The following RAD54B variants were observed in gnomAD, a reference collection of about 807,000 sequenced individuals.
RAD54B encodes DNA repair and recombination protein RAD54B.
RAD54B carries 78 observed loss-of-function variants against 95.8 expected under a neutral mutation model. The ratio of observed to expected loss-of-function variants is 0.81; its 90% confidence interval spans 0.68 to 0.98. RAD54B has a LOEUF of 0.98. Among genes scored for constraint, RAD54B ranks in the 50% least tolerant of loss-of-function variants. The pLI is 0.00. For missense variants in RAD54B, 957 were observed against 1,056.6 expected (o/e 0.91, Z 1.31); for synonymous variants, 328 against 354.9 (o/e 0.92, Z 0.85).
intron 3 of RAD54B, among the ~76,000 whole-genome samples, chr8:94,451,180 T>C (rs1427741463): frequency 6.6e-6 from 1 of 152,188 alleles, no homozygotes; most frequent in Non-Finnish European, 1.5e-5. Flanking sequence ...GAATGATTTC[T>C]ACAGCTGGGG....
At chr8:94,430,867 C>T (rs1220230732) in intron 3 of RAD54B, 4 of 985,422 alleles carry the variant, frequency 4.1e-6, no homozygotes, top group East Asian at 1.1e-4. Context: ...GTCCAGGATA[C>T]TACAGCCCAA....
chr8:94,466,543 G>C (rs1158276026), intron 2 of RAD54B, among the ~76,000 whole-genome samples: 6 of 152,100 alleles, frequency 3.9e-5, no homozygotes, highest in Admixed American at 1.3e-4. Context: ...GAGTAGCTGG[G>C]ATTATAGGCG....
intron 3 of RAD54B, among the ~76,000 whole-genome samples, chr8:94,445,673 T>A (rs554573103): frequency 9.9e-5 from 15 of 152,210 alleles, no homozygotes; most frequent in African/African-American, 3.4e-4. Context: ...GATAGTTTTA[T>A]GAAAAGAATG....
intron 3 of RAD54B, among the ~76,000 whole-genome samples, chr8:94,444,825 G>T (rs1403566331): frequency 3.3e-5 from 5 of 152,174 alleles, no homozygotes; most frequent in Non-Finnish European, 5.9e-5. Context: ...CCTTTGAGAT[G>T]TGTATGTATC....
intron 1 of RAD54B, among the ~76,000 whole-genome samples, chr8:94,474,123 C>G (rs1195357747): frequency 6.6e-6 from 1 of 152,130 alleles, no homozygotes; most frequent in Non-Finnish European, 1.5e-5. Flanking sequence ...AACAGAAAAT[C>G]AAATATTGCA....
intron 11 of RAD54B, among the ~76,000 whole-genome samples, chr8:94,384,492 G>C (rs1282503777): frequency 2.1e-5 from 3 of 143,626 alleles, no homozygotes; most frequent in Non-Finnish European, 4.6e-5. Context: ...TTAAGGGAGG[G>C]GAAAATAAGG....
At chr8:94,413,530 C>A (rs1243086131) in intron 3 of RAD54B, among the ~76,000 whole-genome samples, 7 of 152,006 alleles carry the variant, frequency 4.6e-5, no homozygotes, top group Admixed American at 4.6e-4. Flanking sequence ...ATTAAGTCAC[C>A]CCATATACAA....
chr8:94,431,689 A>G (rs1277195983), intron 3 of RAD54B: 1 of 983,220 alleles, frequency 1.0e-6, no homozygotes, highest in African/African-American at 1.7e-5. Flanking sequence ...TTCAAAAGAT[A>G]AAAGCATAAA....
At chr8:94,401,012 A>G (rs539332849) in intron 6 of RAD54B, among the ~76,000 whole-genome samples, 42 of 152,294 alleles carry the variant, frequency 2.8e-4, no homozygotes, top group African/African-American at 8.7e-4. Context: ...ACCTACTGTT[A>G]TATAATTTAA....
intron 3 of RAD54B, among the ~76,000 whole-genome samples, chr8:94,456,052 T>C (rs558202838): frequency 1.3e-5 from 2 of 152,304 alleles, no homozygotes; most frequent in Admixed American, 1.3e-4. Context: ...GGGTCAAAAG[T>C]ACTGAACTGG....
chr8:94,407,921 T>G (rs1022378931), intron 4 of RAD54B, among the ~76,000 whole-genome samples: 2 of 152,174 alleles, frequency 1.3e-5, no homozygotes, highest in African/African-American at 4.8e-5. Flanking sequence ...TTAGCCATGC[T>G]TTAGAGAAAG....
In RAD54B at chr8:94,417,797, A is replaced by C. The variant is rs182001737; in HGVS notation, c.305-6482T>G. Among the ~76,000 whole-genome samples, 26 of 152,342 alleles carry C rather than the reference A, an allele frequency of 1.7e-4. No individual in the cohort carries two copies. In the East Asian group the frequency reaches 4.4e-3, roughly 26 times the overall value. ...CACTACTAGAATTCAGATAAATTGT[A>C]TCTTCATTACTGGCATTCATGGATT... is the stretch of plus-strand genomic sequence containing the variant. On this transcript the variant is annotated intron_variant, in intron 3 of 14. Coordinates refer to ENST00000336148, the MANE Select transcript of RAD54B (RefSeq NM_012415.3).
At chr8:94,412,530 A>C (rs1811554404) in intron 3 of RAD54B, among the ~76,000 whole-genome samples, 1 of 152,150 alleles carries the variant, frequency 6.6e-6, no homozygotes. Flanking sequence ...ACTTGCACAC[A>C]CTAGATTTTC....
chr8:94,391,479 C>T (rs1811017826), intron 10 of RAD54B, 130 bp downstream of exon 10: 2 of 893,212 alleles, frequency 2.2e-6, no homozygotes, highest in Non-Finnish European at 1.7e-6. Context: ...CAGAACCATA[C>T]TAGATAGCCA....
At chr8:94,447,880 A>G (rs564490677) in intron 3 of RAD54B, among the ~76,000 whole-genome samples, 25 of 152,306 alleles carry the variant, frequency 1.6e-4, no homozygotes, top group Non-Finnish European at 3.1e-4. Context: ...TGGGCTCATG[A>G]CAATATCCTT....
In RAD54B at chr8:94,387,067, G is replaced by A. The variant is rs1304960284; in HGVS notation, c.1902C>T (p.Leu634=). The part of the protein sequence containing the change: ...LSVFPADYNP[L]LFTEKESGKL... ...TTCCTGACTCCTTTTCAGTAAACAG[G>A]AGAGGGTTGTAGTCAGCAGGAAACA... The change falls in exon 11 of 15, where the codon CTC becomes CTT. Residue 634 remains leucine, a synonymous_variant. Coordinates refer to ENST00000336148, the MANE Select transcript of RAD54B (RefSeq NM_012415.3). The A allele has an allele frequency of 6.2e-7, 1 of 1,613,606 alleles. No individual in the cohort carries two copies. Among genetic ancestry groups the A allele is most frequent in the Non-Finnish European group, 8.5e-7 (1 of 1,179,678 alleles).
Position 94,391,625 on chromosome 8 carries a change from A to G in RAD54B, c.1793T>C (p.Leu598Ser), listed in dbSNP as rs755030426. Reference protein sequence around the residue: ...LKKLCNHPCLLFNSIKEKECS... With the variant: ...LKKLCNHPCLSFNSIKEKECS... The stretch of plus-strand genomic sequence containing the variant: ...TGCACTTACCTTTATAGAGTTGAAC[A>G]AAAGGCAGGGGTGATTGCACAGTTT... Residue 598 changes from leucine (L) to serine (S), a missense_variant, in exon 10 of 15, where the codon TTG (leucine) becomes TCG (serine). Transcript: ENST00000336148. 6.2e-7 allele frequency: 1 copy of G among 1,613,476 alleles called. No homozygotes were observed. Among genetic ancestry groups the G allele is most frequent in the Non-Finnish European group, 8.5e-7 (1 of 1,179,858 alleles).
At chr8:94,388,084 C>A (rs1810932963) in intron 10 of RAD54B, among the ~76,000 whole-genome samples, 1 of 152,182 alleles carries the variant, frequency 6.6e-6, no homozygotes, top group Admixed American at 6.5e-5. Flanking sequence ...TTTATGGTTA[C>A]ACAGTACATT....
Position 94,407,622 on chromosome 8 carries a change from C to G in RAD54B, c.598G>C (p.Asp200His). The G allele has an allele frequency of 6.2e-7, 1 of 1,614,014 alleles. No homozygotes were observed. Residue 200 changes from aspartate (D) to histidine (H), a missense_variant, in exon 5 of 15, where the codon GAT (aspartate) becomes CAT (histidine). Coordinates refer to ENST00000336148, the MANE Select transcript of RAD54B (RefSeq NM_012415.3). ...EIEVMGVISP[D>H]DFSSGRCFQL... ...AAACACCTGCCACTGCTGAAGTCAT[C>G]TGGAGAGATTACACCCATGACTTCT... is the stretch of plus-strand genomic sequence containing the variant.
Sources: gnomAD v4.1 joint callset for allele counts (sites outside exome capture counted in the v4.1 genomes callset) on GRCh38, gnomAD v4.1.1 for gene constraint, MANE v1.5 for transcripts, NCBI Gene and HGNC (gene_info 2026-07-23, HGNC 2026-07-21) for gene names.